The following COX7B2 variants were observed in gnomAD, a reference collection of about 807,000 sequenced individuals.
COX7B2 encodes the protein cytochrome c oxidase subunit 7B2.
For synonymous variants in COX7B2, 37 were observed against 32.1 expected (o/e 1.15, Z -0.51); for missense variants, 109 against 95.9 (o/e 1.14, Z -0.57).
intron 1 of COX7B2, among the ~76,000 whole-genome samples, chr4:46,853,591 TTTAG>T (rs1327952763): frequency 1.3e-5 from 2 of 152,094 alleles, no homozygotes; most frequent in Non-Finnish European, 2.9e-5. Context: ...CCATAGTAAT[TTTAG>T]TTAGTTGTTC....
chr4:46,873,397 A>G (rs1025978627), intron 1 of COX7B2, among the ~76,000 whole-genome samples: 20 of 152,162 alleles, frequency 1.3e-4, no homozygotes, highest in Non-Finnish European at 2.1e-4. Context: ...AGGAATCGCC[A>G]CACTGTCTTC....
chr4:46,754,728 G>GTGTATATATATA lies in COX7B2; in HGVS notation c.-49-19488_-49-19487insTATATATATACA, dbSNP rs1333586285. Among the ~76,000 whole-genome samples, 33 of 39,864 alleles carry GTGTATATATATA rather than the reference G, an allele frequency of 8.3e-4. 4 individuals carry two copies. In the East Asian group the frequency reaches 0.026, roughly 32 times the overall value. 26.2% of individuals were successfully genotyped at this position (39,864 alleles called of 152,430 possible). A position where few individuals can be genotyped will look rare whatever the true frequency, so the allele number is the denominator to read the frequency against. On this transcript the variant is annotated intron_variant, in intron 2 of 2. Coordinates refer to ENST00000355591, the MANE Select transcript of COX7B2 (RefSeq NM_130902.3). ...TGTGTGTGTGTGTGTGTGTGTGTGT[G>GTGTATATATATA]TATATATATATATATATATATGAAA...
chr4:46,823,091 G>C (rs936675970), intron 2 of COX7B2, among the ~76,000 whole-genome samples: 2 of 152,140 alleles, frequency 1.3e-5, no homozygotes, highest in African/African-American at 4.8e-5. Context: ...GGTGTGTTCT[G>C]TTTTATAGCC....
At chr4:46,886,955 G>A (rs117266824) in intron 1 of COX7B2, among the ~76,000 whole-genome samples, 2 of 152,300 alleles carry the variant, frequency 1.3e-5, no homozygotes, top group East Asian at 1.9e-4. Flanking sequence ...AAAAAAAATC[G>A]CAGACATATT....
intron 2 of COX7B2, among the ~76,000 whole-genome samples, chr4:46,813,486 G>A (rs571034168): frequency 1.3e-5 from 2 of 152,240 alleles, no homozygotes; most frequent in South Asian, 2.1e-4. Context: ...AAAGAAACTC[G>A]TAAGTGGGAG....
At chr4:46,735,342 TG>T in intron 2 of COX7B2, 101 bp from the exon 3 acceptor site, 1 of 833,456 alleles carries the variant, frequency 1.2e-6, no homozygotes, top group East Asian at 2.7e-5. Flanking sequence ...TGTTCAGGAA[TG>T]TGAGTTTTGA....
chr4:46,778,872 C>G (rs993110310), intron 2 of COX7B2, among the ~76,000 whole-genome samples: 1 of 152,058 alleles, frequency 6.6e-6, no homozygotes, highest in African/African-American at 2.4e-5. Context: ...TCCTTTAAAA[C>G]AATAATATTT....
intron 2 of COX7B2, among the ~76,000 whole-genome samples, chr4:46,821,096 G>A (rs551078057): frequency 6.6e-6 from 1 of 152,104 alleles, no homozygotes; most frequent in East Asian, 1.9e-4. Flanking sequence ...TTTCGTATCT[G>A]GTTGTTTTAG....
intron 2 of COX7B2, among the ~76,000 whole-genome samples, chr4:46,737,887 TTTC>T (rs1183733338): frequency 6.6e-6 from 1 of 152,156 alleles, no homozygotes; most frequent in East Asian, 1.9e-4. Context: ...TTCTCTTTTA[TTTC>T]CTACCATATG....
intron 1 of COX7B2, among the ~76,000 whole-genome samples, chr4:46,849,500 A>G (rs1716524229): frequency 1.3e-5 from 2 of 152,114 alleles, no homozygotes; most frequent in South Asian, 4.1e-4. Flanking sequence ...TGGATAGTAT[A>G]TGCTCAATAA....
chr4:46,807,607 C>A (rs559193347), intron 2 of COX7B2, among the ~76,000 whole-genome samples: 4 of 151,804 alleles, frequency 2.6e-5, no homozygotes, highest in African/African-American at 7.2e-5. Context: ...AGAAGTAGTT[C>A]CCCTACATAC....
At chr4:46,793,718 C>T (rs2109593963) in intron 2 of COX7B2, among the ~76,000 whole-genome samples, 1 of 152,298 alleles carries the variant, frequency 6.6e-6, no homozygotes, top group Non-Finnish European at 1.5e-5. Context: ...GAATCTCATC[C>T]TGTGACTGAC....
intron 1 of COX7B2, among the ~76,000 whole-genome samples, chr4:46,906,851 C>T (rs1305868309): frequency 6.6e-6 from 1 of 152,178 alleles, no homozygotes; most frequent in Admixed American, 6.5e-5. Flanking sequence ...TGGCTCATTC[C>T]AATATGCCCC....
chr4:46,878,058 C>A (rs1718455882), intron 1 of COX7B2, among the ~76,000 whole-genome samples: 1 of 151,432 alleles, frequency 6.6e-6, no homozygotes, highest in South Asian at 2.1e-4. Flanking sequence ...ATATTACTCA[C>A]CCTTAAAAAA....
chr4:46,883,609 G>T (rs755699956), intron 1 of COX7B2, among the ~76,000 whole-genome samples: 2 of 151,902 alleles, frequency 1.3e-5, no homozygotes, highest in East Asian at 1.9e-4. Flanking sequence ...ATGGTGGCAC[G>T]TGCCTGTTGT....
chr4:46,831,740 T>C (rs905939605), intron 2 of COX7B2, among the ~76,000 whole-genome samples: 1 of 152,126 alleles, frequency 6.6e-6, no homozygotes, highest in Non-Finnish European at 1.5e-5. Context: ...GCACTCTGCA[T>C]CTATCTCAAG....
At chr4:46,896,098 A>G (rs1164944462) in intron 1 of COX7B2, among the ~76,000 whole-genome samples, 1 of 152,146 alleles carries the variant, frequency 6.6e-6, no homozygotes, top group African/African-American at 2.4e-5. Context: ...TTTTGCCTAG[A>G]CTTGTGTCAC....
chr4:46,789,034 T>C (rs544097197), intron 2 of COX7B2, among the ~76,000 whole-genome samples: 1 of 152,296 alleles, frequency 6.6e-6, no homozygotes, highest in South Asian at 2.1e-4. Context: ...TTAAACTTAG[T>C]ATTTTGTTTC....
intron 2 of COX7B2, among the ~76,000 whole-genome samples, chr4:46,790,405 A>G (rs1422005734): frequency 6.6e-6 from 1 of 152,180 alleles, no homozygotes; most frequent in Non-Finnish European, 1.5e-5. Context: ...TTCATTTTGA[A>G]TTATATGTTT....
Sources: gnomAD v4.1 joint callset for allele counts (sites outside exome capture counted in the v4.1 genomes callset) on GRCh38, gnomAD v4.1.1 for gene constraint, MANE v1.5 for transcripts, NCBI Gene and HGNC (gene_info 2026-07-23, HGNC 2026-07-21) for gene names.